The following TFAP2B variants were observed in gnomAD, a reference collection of about 807,000 sequenced individuals.
The protein encoded by TFAP2B is transcription factor AP-2-beta.
TFAP2B carries 9 observed loss-of-function variants against 44.3 expected under a neutral mutation model. That is an observed-to-expected ratio of 0.20 (90% confidence interval 0.12 to 0.35). TFAP2B has a LOEUF of 0.35. TFAP2B is among the 10% of genes least tolerant of loss of function. The probability of loss-of-function intolerance (pLI) is 1.00; values close to 1 mark genes in which losing one functional copy is unlikely to be tolerated. For synonymous variants in TFAP2B, 270 were observed against 263.8 expected, an observed-to-expected ratio of 1.02 and a Z score of -0.23; for missense variants, 509 against 600.0, an observed-to-expected ratio of 0.85 and a Z score of 1.59.
chr6:50,839,488 A>G (rs1289130502), intron 5 of TFAP2B, among the ~76,000 whole-genome samples: 2 of 152,202 alleles, frequency 1.3e-5, no homozygotes, highest in Non-Finnish European at 2.9e-5. Flanking sequence ...ACATAAGCTG[A>G]GTAATACCTT....
chr6:50,829,568 A>G (rs2113939481), intron 3 of TFAP2B, among the ~76,000 whole-genome samples: 1 of 152,342 alleles, frequency 6.6e-6, no homozygotes, highest in East Asian at 1.9e-4. Flanking sequence ...GCATTTGACG[A>G]TACAATTTTA....
rs754778070 is a variant in TFAP2B at position 50,838,120 on chromosome 6, G to A, written c.940+27G>A. ...TAAGCAAGACGTGTGGCCATTTCAC[G>A]AAGTGGCTGAGCTTAACTGTCGGCT... On this transcript the variant is annotated intron_variant, in intron 5 of 6. Coordinates refer to ENST00000393655, the MANE Select transcript of TFAP2B (RefSeq NM_003221.4). The A allele has an allele frequency of 1.1e-5, 17 of 1,544,336 alleles. No individual in the cohort carries two copies. In the East Asian group the frequency reaches 1.1e-4, roughly 10 times the overall value.
rs73427175 is a variant in TFAP2B at position 50,845,317 on chromosome 6, G to T, written c.*1925G>T. 0.14 allele frequency: 22,059 copies of T among 152,134 alleles called. 1,756 individuals carry two copies. The highest frequency in any genetic ancestry group is 0.2 in the East Asian group (1,040 of 5,168). The allele number at this position is 152,134 out of a possible 1,614,324, so 9.4% of individuals were successfully genotyped here. On this transcript the variant is annotated 3_prime_UTR_variant, in exon 7 of 7. Coordinates refer to ENST00000393655, the MANE Select transcript of TFAP2B (RefSeq NM_003221.4). ...CCCCTCCCGCTTTGCCTTGGTGGGG[G>T]TGGGGATTGGGGGAGTGGGGATTGC... is the stretch of plus-strand genomic sequence containing the variant.
Position 50,824,251 on chromosome 6 carries a change from C to G in TFAP2B, c.540+386C>G, listed in dbSNP as rs560308111. Among the ~76,000 whole-genome samples, 578 of 152,332 alleles carry G rather than the reference C, an allele frequency of 3.8e-3. 3 individuals carry two copies. The highest frequency in any genetic ancestry group is 6.6e-3 in the Non-Finnish European group (447 of 68,030). On this transcript the variant is annotated intron_variant, in intron 2 of 6. Transcript: ENST00000393655. ...CCCCTTCTTTACCAACACACACACC[C>G]CATAGTGGGGCTGTCCTGCTGACTT... is the stretch of plus-strand genomic sequence containing the variant.
chr6:50,823,331 C>T, intron 1 of TFAP2B, 76 bp from the exon 2 acceptor site: 1 of 1,288,066 alleles, frequency 7.8e-7, no homozygotes, highest in Non-Finnish European at 1.1e-6. Context: ...TCTGTACTCT[C>T]TGTCTCTCTC....
chr6:50,837,774 C>A (rs1762651535), intron 4 of TFAP2B, among the ~76,000 whole-genome samples: 1 of 148,058 alleles, frequency 6.8e-6, no homozygotes, highest in Non-Finnish European at 1.5e-5. Flanking sequence ...AAAGAACACT[C>A]AGTTAAAAAA....
chr6:50,822,810 T>G (rs1770390186), intron 1 of TFAP2B, among the ~76,000 whole-genome samples: 1 of 152,208 alleles, frequency 6.6e-6, no homozygotes, highest in African/African-American at 2.4e-5. Flanking sequence ...GACTGGGAAC[T>G]CAGACCAGGT....
chr6:50,837,199 A>C (rs1762640575), intron 4 of TFAP2B, among the ~76,000 whole-genome samples: 1 of 152,204 alleles, frequency 6.6e-6, no homozygotes, highest in African/African-American at 2.4e-5. Context: ...ACTTTTGTCC[A>C]TACTTTAGCA....
Position 50,836,230 on chromosome 6 carries a change from G to C in TFAP2B, c.771G>C (p.Leu257=), listed in dbSNP as rs375404759. ...CTGTGGGAGAAGTTCAGAGACGGCTGTCGCCCCCTGAATGCCTCAATGCAT... is the reference window on the plus strand; with the variant it reads ...CTGTGGGAGAAGTTCAGAGACGGCTCTCGCCCCCTGAATGCCTCAATGCAT... The part of the protein sequence containing the change: ...KVTVGEVQRR[L]SPPECLNASL... The change falls in exon 4 of 7, where the codon CTG becomes CTC. Residue 257 remains leucine (L), a synonymous_variant. Transcript: ENST00000393655. 108 of 1,612,882 alleles carry C rather than the reference G, an allele frequency of 6.7e-5. No individual in the cohort carries two copies. The highest frequency in any genetic ancestry group is 8.6e-5 in the Non-Finnish European group (101 of 1,180,046).
intron 2 of TFAP2B, among the ~76,000 whole-genome samples, chr6:50,826,725 T>C (rs778173999): frequency 2.0e-5 from 3 of 152,006 alleles, no homozygotes; most frequent in Non-Finnish European, 4.4e-5. Flanking sequence ...TCTTTTCTTC[T>C]TCCCACCTTT....
At chr6:50,828,707 G>A (rs770764321) in intron 3 of TFAP2B, 28 bp downstream of exon 3, 4 of 1,613,166 alleles carry the variant, frequency 2.5e-6, no homozygotes, top group Admixed American at 1.7e-5. Context: ...CAAAAAGTAA[G>A]CAAAGTTCTC....
Position 50,843,237 on chromosome 6 carries a change from A to G in TFAP2B, c.1228A>G (p.Ile410Val), listed in dbSNP as rs1182927469. ...LITHGFGAPA[I>V]CAALTALQNY... ...CACGCACGGCTTCGGCGCCCCGGCC[A>G]TTTGCGCCGCGCTCACGGCCCTGCA... The change falls in exon 7 of 7, where the codon ATT becomes GTT. Residue 410 changes from isoleucine to valine, a missense_variant. Around this residue, in one of 3 missense-constraint regions of TFAP2B, gnomAD observed 168 missense variants for 183.2 expected, o/e 0.92. Transcript: ENST00000393655. 1 of 1,614,080 alleles carries G rather than the reference A, an allele frequency of 6.2e-7. No homozygotes were observed. Among genetic ancestry groups the G allele is most frequent in the South Asian group, 1.1e-5 (1 of 91,068 alleles).
chr6:50,845,414 C>T lies in TFAP2B; in HGVS notation c.*2022C>T, dbSNP rs961087342. 5.9e-5 allele frequency: 9 copies of T among 152,192 alleles called. No homozygotes were observed. Among genetic ancestry groups the T allele is most frequent in the African/African-American group, 2.2e-4 (9 of 41,432 alleles). 9.4% of individuals were successfully genotyped at this position (152,192 alleles called of 1,614,324 possible). On this transcript the variant is annotated 3_prime_UTR_variant, in exon 7 of 7. Coordinates refer to ENST00000393655, the MANE Select transcript of TFAP2B (RefSeq NM_003221.4). ...AAGAGGAAAGGGAAGTTAGGAAGCT[C>T]GTCTCAGGTCACCAAAAGGGCCCAA... is the stretch of plus-strand genomic sequence containing the variant.
intron 2 of TFAP2B, among the ~76,000 whole-genome samples, chr6:50,827,382 A>G (rs1261702378): frequency 6.6e-6 from 1 of 152,252 alleles, no homozygotes; most frequent in Non-Finnish European, 1.5e-5. Context: ...ATGGAGAATA[A>G]CAATTTTGCT....
intron 2 of TFAP2B, among the ~76,000 whole-genome samples, chr6:50,827,657 A>G (rs1310523016): frequency 3.3e-5 from 5 of 152,222 alleles, no homozygotes; most frequent in Admixed American, 2.0e-4. Context: ...TGAAGGGTCA[A>G]GAAAGTAGTT....
At chr6:50,826,575 G>T (rs901292191) in intron 2 of TFAP2B, among the ~76,000 whole-genome samples, 1 of 143,176 alleles carries the variant, frequency 7.0e-6, no homozygotes, top group South Asian at 2.3e-4. Context: ...GAGCGCGCGC[G>T]CGCGCGCGCG....
rs1353057810 is a variant in TFAP2B, at chr6:50,818,965, T to A, written c.74T>A (p.Ile25Asn). 3 of 1,613,966 alleles carry A rather than the reference T, an allele frequency of 1.9e-6. No homozygotes were observed. Among genetic ancestry groups the A allele is most frequent in the African/African-American group, 2.7e-5 (2 of 74,896 alleles). The change falls in exon 1 of 7, where the codon ATC becomes AAC. Residue 25 changes from isoleucine (I) to asparagine (N), a missense_variant. Around this residue, in one of 3 missense-constraint regions of TFAP2B, gnomAD observed 296 missense variants for 308.2 expected, o/e 0.96. Coordinates refer to ENST00000393655, the MANE Select transcript of TFAP2B (RefSeq NM_003221.4). The stretch of plus-strand genomic sequence containing the variant: ...GTGGAGAATGTCAAGTACGAAGATA[T>A]CTATGAGGTGAGTCGACACCCCCAG... ...KLVENVKYED[I>N]YEDRHDGVPS...
At chr6:50,830,782 C>G (rs1770651171) in intron 3 of TFAP2B, among the ~76,000 whole-genome samples, 1 of 152,142 alleles carries the variant, frequency 6.6e-6, no homozygotes, top group Non-Finnish European at 1.5e-5. Flanking sequence ...TTCATTAGCC[C>G]CTTCCCCTGC....
intron 6 of TFAP2B, among the ~76,000 whole-genome samples, chr6:50,840,855 T>C (rs1002438133): frequency 2.0e-5 from 3 of 152,394 alleles, no homozygotes; most frequent in Admixed American, 6.5e-5. Context: ...GTGGGTTTTC[T>C]ATTTATTTGA....
Sources: gnomAD v4.1 joint callset for allele counts (sites outside exome capture counted in the v4.1 genomes callset) on GRCh38, gnomAD v4.1.1 for gene constraint, gnomAD v4.1.1 regional missense constraint, MANE v1.5 for transcripts, NCBI Gene and HGNC (gene_info 2026-07-23, HGNC 2026-07-21) for gene names.